UBR2: variants seen among roughly 807,000 people sequenced by gnomAD.
UBR2 encodes E3 ubiquitin-protein ligase UBR2.
A neutral mutation model predicts 247.9 loss-of-function variants in UBR2; 92 were observed. The observed-to-expected ratio is 0.37, with a 90% confidence interval of 0.31 to 0.44. The LOEUF (loss-of-function observed/expected upper bound fraction) is 0.44. Ranked by LOEUF, UBR2 falls within the 20% of genes least tolerant of loss-of-function variation. UBR2 has a pLI of 1.00. For synonymous variants in UBR2, 672 were observed against 693.5 expected (o/e 0.97, Z 0.49); for missense variants, 1,613 against 2,112.6 (o/e 0.76, Z 4.64).
chr6:42,617,645 ATTC>A, intron 11 of UBR2, 138 bp downstream of exon 11: 1 of 754,270 alleles, frequency 1.3e-6, no homozygotes, highest in Non-Finnish European at 2.1e-6. Flanking sequence ...CACCTTCACT[ATTC>A]TTTTACTAGA....
At chr6:42,673,033 A>G (rs759285826) in intron 36 of UBR2, among the ~76,000 whole-genome samples, 4 of 152,222 alleles carry the variant, frequency 2.6e-5, no homozygotes, top group Non-Finnish European at 4.4e-5. Context: ...CTTGATTACA[A>G]TTGGTACTCA....
chr6:42,624,015 T>C (rs900861085), intron 11 of UBR2, among the ~76,000 whole-genome samples: 4 of 152,230 alleles, frequency 2.6e-5, no homozygotes, highest in Non-Finnish European at 4.4e-5. Context: ...TTCCTTGTTA[T>C]AGCCTTTTGG....
intron 42 of UBR2, among the ~76,000 whole-genome samples, chr6:42,681,036 G>A (rs1799011354): frequency 6.6e-6 from 1 of 152,038 alleles, no homozygotes; most frequent in Non-Finnish European, 1.5e-5. Flanking sequence ...GTTGGTAGGT[G>A]CCTGTAATCC....
rs7774071 is a variant in UBR2, at chr6:42,632,071, T to A, written c.1282-481T>A. ...TTTGCTTATTTAAAAAAAAAAAAAA[T>A]ATATATATATATATATATATGTACA... On this transcript the variant is annotated intron_variant, in intron 11 of 46. Transcript: ENST00000372901. Among the ~76,000 whole-genome samples, 947 of 100,970 alleles carry A rather than the reference T, an allele frequency of 9.4e-3. 5 individuals carry two copies. The highest frequency in any genetic ancestry group is 0.011 in the Non-Finnish European group (557 of 52,232). The allele number at this position is 100,970 out of a possible 152,430, so 66.2% of individuals were successfully genotyped here. A position where few individuals can be genotyped will look rare whatever the true frequency, so the allele number is the denominator to read the frequency against.
chr6:42,670,696 G>A lies in UBR2; in HGVS notation c.4067G>A (p.Gly1356Asp). Reference sequence around the variant, plus strand: ...AGTGATGAAGATAAACCATTGTTTGGTCCTTTACCTTGCAGACTGGTAAGT... The same window carrying A: ...AGTGATGAAGATAAACCATTGTTTGATCCTTTACCTTGCAGACTGGTAAGT... Reference protein sequence around the residue: ...ILSDEDKPLFGPLPCRLDDCL... With the variant: ...ILSDEDKPLFDPLPCRLDDCL... Residue 1356 changes from glycine to aspartate, a missense_variant, in exon 36 of 47, where the codon GGT becomes GAT. By Grantham distance (94) the Gly-to-Asp change is moderately conservative (BLOSUM62 -1). Coordinates refer to ENST00000372901, the MANE Select transcript of UBR2 (RefSeq NM_001363705.2). 1.2e-6 allele frequency: 2 copies of A among 1,610,080 alleles called. No individual in the cohort carries two copies. The highest frequency in any genetic ancestry group is 1.7e-6 in the Non-Finnish European group (2 of 1,178,266).
intron 2 of UBR2, among the ~76,000 whole-genome samples, chr6:42,574,594 G>GT (rs1200357277): frequency 1.3e-5 from 2 of 152,148 alleles, no homozygotes; most frequent in East Asian, 1.9e-4. Context: ...GTATACAAGG[G>GT]TAGAAGATGG....
chr6:42,599,095 T>C (rs1793185049), intron 4 of UBR2, among the ~76,000 whole-genome samples: 1 of 152,294 alleles, frequency 6.6e-6, no homozygotes, highest in South Asian at 2.1e-4. Flanking sequence ...TAAATCCTAT[T>C]TGGAATTAGA....
rs532793596 is a variant in UBR2, at chr6:42,597,420, TC to T, written c.531+3120del. Among the ~76,000 whole-genome samples, 405 of 151,650 alleles carry T rather than the reference TC, an allele frequency of 2.7e-3. 2 individuals are homozygous for T. The highest frequency in any genetic ancestry group is 9.4e-3 in the African/African-American group (390 of 41,344). On this transcript the variant is annotated intron_variant, in intron 4 of 46. Transcript: ENST00000372901. ...AGACAAGCCTGGGCAACATGGCAAA[TC>T]CCCGTCTATACAAAAATTACAAAAA...
Position 42,662,254 on chromosome 6 carries a change from T to C in UBR2, c.3513T>C (p.Ile1171=). 6.2e-7 allele frequency: 1 copy of C among 1,606,776 alleles called. No individual in the cohort carries two copies. The highest frequency in any genetic ancestry group is 8.5e-7 in the Non-Finnish European group (1 of 1,175,762). Residue 1171 remains isoleucine (I), a synonymous_variant, in exon 31 of 47, where the codon ATT becomes ATC. Coordinates refer to ENST00000372901, the MANE Select transcript of UBR2 (RefSeq NM_001363705.2). ...CACACACTAGTAGCTGTGGGCACATTATGCATGCCCATTGTTGGCAAAGGT... is the reference window on the plus strand; with the variant it reads ...CACACACTAGTAGCTGTGGGCACATCATGCATGCCCATTGTTGGCAAAGGT... ...CGTHTSSCGH[I]MHAHCWQRYF...
intron 13 of UBR2, among the ~76,000 whole-genome samples, chr6:42,633,834 G>A (rs1317133976): frequency 6.6e-6 from 1 of 152,094 alleles, no homozygotes; most frequent in Non-Finnish European, 1.5e-5. Flanking sequence ...GGGTTCAAGT[G>A]ATTCTCTGAC....
chr6:42,643,563 T>G (rs902946501), intron 18 of UBR2, among the ~76,000 whole-genome samples: 2 of 151,940 alleles, frequency 1.3e-5, no homozygotes, highest in African/African-American at 4.8e-5. Context: ...TCCACTGGAC[T>G]CCAACCTGGG....
intron 34 of UBR2, among the ~76,000 whole-genome samples, chr6:42,666,544 A>G (rs1798115976): frequency 6.6e-6 from 1 of 152,154 alleles, no homozygotes; most frequent in Admixed American, 6.5e-5. Context: ...ATTGCAGTAC[A>G]TTAAAAAAAT....
chr6:42,571,242 C>CAA lies in UBR2; in HGVS notation c.79-2469_79-2468dup, dbSNP rs774925925. On this transcript the variant is annotated intron_variant, in intron 1 of 46. Transcript: ENST00000372901. ...TGGGTGACAGAGCAAGACTCCGTCT[C>CAA]AAAAAAAAAAAAAAAAAAAAAAAAG... Among the ~76,000 whole-genome samples, 278 of 38,544 alleles carry CAA rather than the reference C, an allele frequency of 7.2e-3. 1 individual carries two copies. The highest frequency in any genetic ancestry group is 0.034 in the Middle Eastern group (2 of 58). The allele number at this position is 38,544 out of a possible 152,430, so 25.3% of individuals were successfully genotyped here. A position where few individuals can be genotyped will look rare whatever the true frequency, so the allele number is the denominator to read the frequency against.
Position 42,658,242 on chromosome 6 carries a change from T to G in UBR2, c.2985T>G (p.Thr995=). Residue 995 remains threonine, a splice_region_variant and synonymous_variant, in exon 28 of 47, where the codon ACT becomes ACG. Coordinates refer to ENST00000372901, the MANE Select transcript of UBR2 (RefSeq NM_001363705.2). ...TACTGATACTTTTTTTTTTGTAGAC[T>G]TTTAATGCTGTTAAAAAGATGAGGG... ...HKDMIRWILK[T]FNAVKKMRES... The G allele has an allele frequency of 6.2e-7, 1 of 1,613,700 alleles. No individual in the cohort carries two copies. Among genetic ancestry groups the G allele is most frequent in the Non-Finnish European group, 8.5e-7 (1 of 1,179,876 alleles).
In UBR2 at chr6:42,634,518, G is replaced by A. The variant is rs556127712; in HGVS notation, c.1546-900G>A. On this transcript the variant is annotated intron_variant, in intron 13 of 46. Transcript: ENST00000372901. ...CGCCCAGGCGGGAGTGCAGTGGCGCGATCTTGGCTCACTGCAACCTCTGCC... is the reference window on the plus strand; with the variant it reads ...CGCCCAGGCGGGAGTGCAGTGGCGCAATCTTGGCTCACTGCAACCTCTGCC... 8.5e-5 allele frequency among the ~76,000 whole-genome samples: 13 copies of A among 152,286 alleles called. No individual in the cohort carries two copies. In the South Asian group the frequency reaches 1.7e-3, roughly 19 times the overall value.
chr6:42,667,003 A>C (rs1383594961), intron 34 of UBR2, among the ~76,000 whole-genome samples: 3 of 152,172 alleles, frequency 2.0e-5, no homozygotes, highest in Admixed American at 2.0e-4. Flanking sequence ...GCTACCTGAA[A>C]GCTGTGCCTG....
intron 42 of UBR2, among the ~76,000 whole-genome samples, chr6:42,682,112 C>T (rs184304680): frequency 3.9e-5 from 6 of 152,190 alleles, no homozygotes; most frequent in Admixed American, 6.5e-5. Context: ...CATGCTACAA[C>T]GTGGATGAAC....
chr6:42,571,330 G>A (rs1452704046), intron 1 of UBR2, among the ~76,000 whole-genome samples: 2 of 150,920 alleles, frequency 1.3e-5, no homozygotes, highest in Non-Finnish European at 2.9e-5. Context: ...AGTTTTACAG[G>A]AATGGGAACA....
At chr6:42,621,472 G>C (rs541585904) in intron 11 of UBR2, among the ~76,000 whole-genome samples, 2 of 151,116 alleles carry the variant, frequency 1.3e-5, no homozygotes, top group East Asian at 3.9e-4. Context: ...TTGTTTGTTT[G>C]TTTTTTTGAG....
Sources: allele counts gnomAD v4.1 joint callset (sites outside exome capture counted in the v4.1 genomes callset), GRCh38; gene constraint gnomAD v4.1.1; transcripts MANE v1.5; gene names NCBI Gene and HGNC (gene_info 2026-07-23, HGNC 2026-07-21).